MSRA: variants seen among roughly 807,000 people sequenced by gnomAD.
The protein encoded by MSRA is methionine sulfoxide reductase A, also known as mitochondrial peptide methionine sulfoxide reductase.
MSRA carries 54 observed loss-of-function variants against 31.3 expected under a neutral mutation model. The ratio of observed to expected loss-of-function variants is 1.73; its 90% confidence interval spans 1.39 to 2.17. MSRA has a LOEUF of 2.17. Ranked by LOEUF, MSRA falls within the 30% of genes most tolerant of loss-of-function variation. The pLI is 0.00. For missense variants in MSRA, 507 were observed against 300.9 expected (o/e 1.69, Z -5.07); for synonymous variants, 169 against 116.5 (o/e 1.45, Z -2.90).
chr8:10,079,024 C>T (rs192058789), intron 1 of MSRA, among the ~76,000 whole-genome samples: 43 of 152,330 alleles, frequency 2.8e-4, no homozygotes, highest in South Asian at 2.1e-3. Flanking sequence ...CAGTATTCAC[C>T]GCTGTGTGCT....
At chr8:10,420,585 C>G (rs867726302) in intron 5 of MSRA, among the ~76,000 whole-genome samples, 1 of 152,126 alleles carries the variant, frequency 6.6e-6, no homozygotes, top group African/African-American at 2.4e-5. Flanking sequence ...TGATGCGGGC[C>G]TCTTTCCATA....
chr8:10,082,963 A>G (rs1798368420), intron 1 of MSRA, among the ~76,000 whole-genome samples: 1 of 152,250 alleles, frequency 6.6e-6, no homozygotes, highest in East Asian at 1.9e-4. Flanking sequence ...TAAGGAGTTT[A>G]TAGTCTAGTC....
chr8:10,406,525 G>T (rs964841168), intron 5 of MSRA, among the ~76,000 whole-genome samples: 6 of 152,174 alleles, frequency 3.9e-5, no homozygotes, highest in Admixed American at 2.0e-4. Flanking sequence ...AGAATAGGCA[G>T]GCTGGGGGTT....
chr8:10,215,189 A>C (rs1004734360), intron 2 of MSRA, among the ~76,000 whole-genome samples: 4 of 152,216 alleles, frequency 2.6e-5, no homozygotes, highest in Admixed American at 6.5e-5. Context: ...TTCGGTTGTA[A>C]GTAAGAACCA....
At chr8:10,428,029 C>A in intron 5 of MSRA, 119 bp from the exon 6 acceptor site, 2 of 1,062,002 alleles carry the variant, frequency 1.9e-6, no homozygotes, top group Non-Finnish European at 2.7e-6. Context: ...CTAAAGGGGA[C>A]CCACTGCACA....
chr8:10,133,900 G>C (rs148502825), intron 1 of MSRA, among the ~76,000 whole-genome samples: 1 of 151,954 alleles, frequency 6.6e-6, no homozygotes, highest in Non-Finnish European at 1.5e-5. Context: ...TCACAATCTC[G>C]GCTCACTGTG....
chr8:10,390,553 C>T (rs1417697069), intron 5 of MSRA, among the ~76,000 whole-genome samples: 1 of 152,166 alleles, frequency 6.6e-6, no homozygotes, highest in Non-Finnish European at 1.5e-5. Flanking sequence ...ATGAAGACTT[C>T]TAGTGAAATC....
intron 5 of MSRA, among the ~76,000 whole-genome samples, chr8:10,421,539 G>T (rs941501739): frequency 1.3e-5 from 2 of 151,894 alleles, no homozygotes; most frequent in African/African-American, 4.8e-5. Context: ...TGAGACACTC[G>T]GGCACTTGGA....
intron 3 of MSRA, among the ~76,000 whole-genome samples, chr8:10,246,627 T>C (rs1289422536): frequency 6.6e-6 from 1 of 152,190 alleles, no homozygotes; most frequent in Non-Finnish European, 1.5e-5. Flanking sequence ...GTTTGGGAGC[T>C]TGGTGAATAG....
chr8:10,415,631 A>T (rs536748214), intron 5 of MSRA, among the ~76,000 whole-genome samples: 1 of 152,088 alleles, frequency 6.6e-6, no homozygotes, highest in South Asian at 2.1e-4. Context: ...CCAGGGTCCC[A>T]TCTGCTGGGT....
intron 1 of MSRA, among the ~76,000 whole-genome samples, chr8:10,079,779 C>A (rs866878111): frequency 6.6e-6 from 1 of 152,156 alleles, no homozygotes; most frequent in Non-Finnish European, 1.5e-5. Flanking sequence ...TTATCAGAGC[C>A]AAGGTGAGAA....
At chr8:10,283,494 G>C (rs745982424) in intron 3 of MSRA, among the ~76,000 whole-genome samples, 6 of 151,782 alleles carry the variant, frequency 4.0e-5, no homozygotes, top group Non-Finnish European at 8.8e-5. Flanking sequence ...GGTTACATGA[G>C]TGCATTCTTT....
chr8:10,376,942 G>A (rs375703713), intron 5 of MSRA, among the ~76,000 whole-genome samples: 2 of 152,190 alleles, frequency 1.3e-5, no homozygotes, highest in Non-Finnish European at 2.9e-5. Context: ...TTTAAAAAGG[G>A]TGTAAGCGGG....
At chr8:10,268,291 T>C (rs1437206962) in intron 3 of MSRA, among the ~76,000 whole-genome samples, 1 of 152,196 alleles carries the variant, frequency 6.6e-6, no homozygotes, top group Non-Finnish European at 1.5e-5. Context: ...TCTAATAAAA[T>C]TGCTTCTGTG....
intron 5 of MSRA, among the ~76,000 whole-genome samples, chr8:10,339,697 A>G (rs1266231382): frequency 6.6e-6 from 1 of 151,666 alleles, no homozygotes; most frequent in African/African-American, 2.4e-5. Context: ...GCCTGCCACC[A>G]CGCCCGGCTA....
rs1325954174 is a variant in MSRA, at chr8:10,067,833, A to C, written c.142+13175A>C. Among the ~76,000 whole-genome samples the C allele has an allele frequency of 3.1e-4, 46 of 148,966 alleles. 1 individual carries two copies. Among genetic ancestry groups the C allele is most frequent in the Admixed American group, 6.7e-5 (1 of 14,974 alleles). The stretch of plus-strand genomic sequence containing the variant: ...TTTTCTTTGGTGATGTGTCTGTTCA[A>C]ATCTTTTGCCCATATTTCAGTTGGG... On this transcript the variant is annotated intron_variant, in intron 1 of 5. Coordinates refer to ENST00000317173, the MANE Select transcript of MSRA (RefSeq NM_012331.5).
intron 1 of MSRA, among the ~76,000 whole-genome samples, chr8:10,135,452 A>C (rs1285912106): frequency 6.6e-6 from 1 of 152,234 alleles, no homozygotes; most frequent in East Asian, 1.9e-4. Context: ...GCTGAAAAAC[A>C]GTGGAAGTAA....
intron 1 of MSRA, among the ~76,000 whole-genome samples, chr8:10,155,694 A>C (rs1429078515): frequency 1.3e-5 from 2 of 152,212 alleles, no homozygotes; most frequent in African/African-American, 4.8e-5. Context: ...CTCACTGGTC[A>C]AACTTGGGAT....
At position 10,319,891 on chromosome 8, in the gene MSRA, C is replaced by T. The variant is rs898337236; in HGVS notation, c.445C>T (p.Gln149Ter). 1 of 1,548,392 alleles carries T rather than the reference C, an allele frequency of 6.5e-7. No individual in the cohort carries two copies. The highest frequency in any genetic ancestry group is 8.7e-7 in the Non-Finnish European group (1 of 1,145,850). ...GTTTTCTGCTTTCCTAGGTATGCGC[C>T]AGGGGAACGACCATGGCACTCAGTA... ...ENHDPTQGMR[Q>*]GNDHGTQYRS... The change falls in exon 5 of 6, where the codon CAG becomes TAG. Residue 149 changes from glutamine to a stop codon, truncating the protein, a stop_gained. Transcript: ENST00000317173. LOFTEE classifies it high-confidence loss of function.
Sources: gnomAD v4.1 joint callset for allele counts (sites outside exome capture counted in the v4.1 genomes callset) on GRCh38, gnomAD v4.1.1 for gene constraint, MANE v1.5 for transcripts, NCBI Gene and HGNC (gene_info 2026-07-23, HGNC 2026-07-21) for gene names.